The following C12orf56 variants were observed in gnomAD, a reference collection of about 807,000 sequenced individuals.
C12orf56 encodes the protein uncharacterized protein C12orf56.
A neutral mutation model predicts 69.9 loss-of-function variants in C12orf56; 71 were observed. The observed-to-expected ratio is 1.02, with a 90% CI of 0.84 to 1.24. C12orf56 has a LOEUF of 1.24. Among genes scored for constraint, C12orf56 ranks in the 50% most tolerant of loss-of-function variants. The pLI is 0.00. For missense variants in C12orf56, 732 were observed against 738.5 expected (o/e 0.99, Z 0.10); for synonymous variants, 276 against 274.1 (o/e 1.01, Z -0.07).
intron 1 of C12orf56, among the ~76,000 whole-genome samples, chr12:64,388,020 A>C (rs1173705553): frequency 6.6e-6 from 1 of 151,904 alleles, no homozygotes; most frequent in Non-Finnish European, 1.5e-5. Flanking sequence ...CCCAGTCTGG[A>C]GTGCAACGGC....
At chr12:64,304,931 T>G (rs1336646968) in intron 5 of C12orf56, among the ~76,000 whole-genome samples, 1 of 152,142 alleles carries the variant, frequency 6.6e-6, no homozygotes. Flanking sequence ...ATTGATGGAA[T>G]CTTAAAATTT....
chr12:64,314,185 A>T (rs1423053308), intron 4 of C12orf56, among the ~76,000 whole-genome samples: 1 of 151,926 alleles, frequency 6.6e-6, no homozygotes, highest in Non-Finnish European at 1.5e-5. Flanking sequence ...TCCTGAGCTC[A>T]AGCAGTCCTC....
intron 1 of C12orf56, among the ~76,000 whole-genome samples, chr12:64,377,872 A>G (rs1285142937): frequency 2.0e-5 from 3 of 152,172 alleles, no homozygotes; most frequent in Non-Finnish European, 4.4e-5. Flanking sequence ...TTTTTTTATG[A>G]TCTACTAGGT....
At chr12:64,307,291 A>C (rs1034477511) in intron 5 of C12orf56, among the ~76,000 whole-genome samples, 17 of 152,176 alleles carry the variant, frequency 1.1e-4, no homozygotes, top group African/African-American at 4.1e-4. Context: ...TCTAAATAAA[A>C]TGAATACTTT....
intron 1 of C12orf56, among the ~76,000 whole-genome samples, chr12:64,365,488 T>C (rs1157853269): frequency 6.6e-6 from 1 of 151,484 alleles, no homozygotes; most frequent in East Asian, 1.9e-4. Flanking sequence ...TATAAGGGAA[T>C]ACAAGGAACC....
intron 2 of C12orf56, among the ~76,000 whole-genome samples, chr12:64,333,071 G>A (rs1215141348): frequency 6.6e-6 from 1 of 152,184 alleles, no homozygotes; most frequent in Non-Finnish European, 1.5e-5. Context: ...TAATGCCTTT[G>A]TATATTGCTG....
chr12:64,382,004 GTAA>G (rs1266484970), intron 1 of C12orf56, among the ~76,000 whole-genome samples: 1 of 152,160 alleles, frequency 6.6e-6, no homozygotes, highest in African/African-American at 2.4e-5. Context: ...GCTCACGCCT[GTAA>G]TCCCAGCACT....
Position 64,356,472 on chromosome 12 carries a change from C to T in C12orf56, c.253-3416G>A, listed in dbSNP as rs553268306. 9.3e-3 allele frequency among the ~76,000 whole-genome samples: 1,419 copies of T among 152,278 alleles called. 15 individuals carry two copies. Among genetic ancestry groups the T allele is most frequent in the Non-Finnish European group, 0.016 (1,111 of 68,024 alleles). ...GGGGAAGGGGTTCTTATTCCTGATG[C>T]AGGTAGCCCCTACTGCTGTGTCATT... is the stretch of plus-strand genomic sequence containing the variant. On this transcript the variant is annotated intron_variant, in intron 1 of 12. Transcript: ENST00000543942.
At chr12:64,287,455 G>A (rs1397237578) in intron 6 of C12orf56, among the ~76,000 whole-genome samples, 12 of 113,612 alleles carry the variant, frequency 1.1e-4, no homozygotes, top group Non-Finnish European at 1.8e-4. Flanking sequence ...CCACTAACTC[G>A]TCATCTAGCA....
intron 4 of C12orf56, among the ~76,000 whole-genome samples, chr12:64,316,041 C>G (rs2136832843): frequency 6.6e-6 from 1 of 152,090 alleles, no homozygotes; most frequent in East Asian, 1.9e-4. Flanking sequence ...ATTCATTTTC[C>G]ATCTTTCAAG....
chr12:64,367,680 A>G (rs2039515812), intron 1 of C12orf56, among the ~76,000 whole-genome samples: 1 of 150,872 alleles, frequency 6.6e-6, no homozygotes, highest in Non-Finnish European at 1.5e-5. Context: ...TAATTTTTGT[A>G]TTTAGTAGAG....
intron 3 of C12orf56, among the ~76,000 whole-genome samples, chr12:64,328,706 A>AATAT (rs138783628): frequency 3.2e-3 from 49 of 15,100 alleles, no homozygotes; most frequent in African/African-American, 0.01. Flanking sequence ...AAAAAAAAAA[A>AATAT]ATATATATAT....
chr12:64,334,033 G>T (rs981408994), intron 2 of C12orf56, among the ~76,000 whole-genome samples: 1 of 152,126 alleles, frequency 6.6e-6, no homozygotes, highest in African/African-American at 2.4e-5. Flanking sequence ...CAGTTGACAT[G>T]CTTCTTCAGT....
intron 8 of C12orf56, among the ~76,000 whole-genome samples, chr12:64,278,440 A>G (rs1391622164): frequency 1.3e-5 from 2 of 152,230 alleles, no homozygotes; most frequent in East Asian, 3.9e-4. Flanking sequence ...GGCTTGAGCG[A>G]CCACTTTCAG....
chr12:64,360,098 A>T (rs1255043172), intron 1 of C12orf56, among the ~76,000 whole-genome samples: 1 of 151,908 alleles, frequency 6.6e-6, no homozygotes, highest in Non-Finnish European at 1.5e-5. Flanking sequence ...TGAAAGAAAT[A>T]TTTTTTTGCT....
At position 64,277,781 on chromosome 12, in the gene C12orf56, C is replaced by A; in HGVS notation, c.1333G>T (p.Val445Leu). The A allele has an allele frequency of 6.2e-7, 1 of 1,600,212 alleles. No homozygotes were observed. Among genetic ancestry groups the A allele is most frequent in the Non-Finnish European group, 8.5e-7 (1 of 1,172,152 alleles). The change falls in exon 9 of 13, where the codon GTA becomes TTA. Residue 445 changes from valine to leucine, a missense_variant. Transcript: ENST00000543942. ...ATCTGAGGCTCACTAATTAAAATTA[C>A]CAAGAGATTAAATAGTGCTCCCCTG... The part of the protein sequence containing the change: ...AKKGALFNLL[V>L]ILISEPQIPK...
chr12:64,267,878 T>G (rs182263827), intron 12 of C12orf56, among the ~76,000 whole-genome samples: 2 of 151,910 alleles, frequency 1.3e-5, no homozygotes, highest in African/African-American at 4.8e-5. Flanking sequence ...GTTATCAGTA[T>G]TTTTTTAATA....
chr12:64,269,661 TCA>T (rs1341270923), intron 12 of C12orf56, among the ~76,000 whole-genome samples: 1 of 151,998 alleles, frequency 6.6e-6, no homozygotes, highest in Non-Finnish European at 1.5e-5. Flanking sequence ...TGATCTCAGC[TCA>T]CTGCAACCTC....
At chr12:64,335,369 A>G (rs1325723265) in intron 2 of C12orf56, among the ~76,000 whole-genome samples, 1 of 149,086 alleles carries the variant, frequency 6.7e-6, no homozygotes, top group Non-Finnish European at 1.5e-5. Flanking sequence ...ATGAGCCAAG[A>G]TCACACCACT....
Sources: gnomAD v4.1 joint callset for allele counts (sites outside exome capture counted in the v4.1 genomes callset) on GRCh38, gnomAD v4.1.1 for gene constraint, MANE v1.5 for transcripts, NCBI Gene and HGNC (gene_info 2026-07-23, HGNC 2026-07-21) for gene names.